Variants in NT5DC2 observed in about 807,000 individuals in gnomAD.
The protein encoded by NT5DC2 is 5'-nucleotidase domain containing 2, also known as 5'-nucleotidase domain-containing protein 2.
Under a neutral mutation model 70.0 loss-of-function variants are expected in NT5DC2, and 41 were observed. The ratio of observed to expected loss-of-function variants is 0.59; its 90% CI spans 0.46 to 0.76. The LOEUF (loss-of-function observed/expected upper bound fraction) is 0.76, where lower values mean the gene tolerates loss of function less well. Among genes scored for constraint, NT5DC2 ranks in the 30% least tolerant of loss-of-function variants. NT5DC2 has a pLI of 0.00. For missense variants in NT5DC2, 705 were observed against 783.2 expected (o/e 0.90, Z 1.19); for synonymous variants, 299 against 310.4 (o/e 0.96, Z 0.39).
chr3:52,528,093 A>C lies in NT5DC2; in HGVS notation c.772-20T>G. 1 of 1,612,876 alleles carries C rather than the reference A, an allele frequency of 6.2e-7. No individual in the cohort carries two copies. The highest frequency in any genetic ancestry group is 8.5e-7 in the Non-Finnish European group (1 of 1,179,940). On this transcript the variant is annotated intron_variant, in intron 6 of 13. Transcript: ENST00000422318. ...GGCGTCCTGGGGGCAGTGGAGGACA[A>C]TGAGGGTACAGCAGGGCCCAGGTGG... is the stretch of plus-strand genomic sequence containing the variant.
At chr3:52,532,699 G>A (rs1312142017) in intron 1 of NT5DC2, among the ~76,000 whole-genome samples, 1 of 152,068 alleles carries the variant, frequency 6.6e-6, no homozygotes, top group Non-Finnish European at 1.5e-5. Context: ...TTGAGAGAGG[G>A]TGAGACTTGC....
chr3:52,525,051 T>C lies in NT5DC2; in HGVS notation c.1259A>G (p.Glu420Gly). The change falls in exon 12 of 14, where the codon GAG becomes GGG. Residue 420 changes from glutamate to glycine, a missense_variant. Transcript: ENST00000422318. The stretch of plus-strand genomic sequence containing the variant: ...CGTGTTGATGATGCGGATCTCACGC[T>C]CCAGCTCGGGGATGATGGCGCCTGT... ...WRTGAIIPEL[E>G]REIRIINTEQ... is the part of the protein sequence containing the mutation. 6.3e-7 allele frequency: 1 copy of C among 1,591,836 alleles called. No homozygotes were observed. Among genetic ancestry groups the C allele is most frequent in the Non-Finnish European group, 8.5e-7 (1 of 1,169,942 alleles).
In NT5DC2 at chr3:52,527,835, C is replaced by T. The variant is rs1221669454; in HGVS notation, c.929G>A (p.Ser310Asn). ...CCACAGGGGCTGGACTCACACGAAG[C>T]TGAAAGGACTGTTGGTGATGAGGAA... ...QLFLITNSPF[S>N]FVDKGMRHMV... The change falls in exon 8 of 14, where the codon AGC becomes AAC. Residue 310 changes from serine to asparagine, a missense_variant. Ser to Asn is a conservative substitution (Grantham distance 46). Transcript: ENST00000422318. 5.0e-6 allele frequency: 8 copies of T among 1,613,230 alleles called. No homozygotes were observed. The Admixed American group carries it at 5.0e-5, about 10-fold the overall frequency.
chr3:52,524,987 G>A lies in NT5DC2; in HGVS notation c.1323C>T (p.Leu441=), dbSNP rs371689836. Residue 441 remains leucine (L), a synonymous_variant, in exon 12 of 14, where the codon CTC becomes CTT. Transcript: ENST00000422318. ...CCTGCATGCGCTCCAGCAGCCCCGT[G>A]AGCGCCTGCTGCCACGTCAGCGAGT... The part of the protein sequence containing the change: ...YMHSLTWQQA[L]TGLLERMQTY... The A allele has an allele frequency of 4.5e-5, 73 of 1,611,126 alleles. No individual in the cohort carries two copies. The Middle Eastern group carries it at 6.6e-4, about 15-fold the overall frequency.
chr3:52,533,754 C>A lies in NT5DC2; in HGVS notation c.-17G>T. ...ACCCGCCATGCCCACCGCGCGCCGCCCGCCGCCCGCGCTGCCCTCGGCCAG... is the reference window on the plus strand; with the variant it reads ...ACCCGCCATGCCCACCGCGCGCCGCACGCCGCCCGCGCTGCCCTCGGCCAG... On this transcript the variant is annotated 5_prime_UTR_variant, in exon 1 of 14. Transcript: ENST00000422318. 1.1e-5 allele frequency: 11 copies of A among 957,752 alleles called. No homozygotes were observed. The highest frequency in any genetic ancestry group is 1.4e-5 in the Non-Finnish European group (11 of 811,014). The allele number at this position is 957,752 out of a possible 1,614,324, so 59.3% of individuals were successfully genotyped here.
At chr3:52,527,262 A>G (rs753080700) in intron 10 of NT5DC2, 32 bp downstream of exon 10, 1 of 1,606,214 alleles carries the variant, frequency 6.2e-7, no homozygotes, top group Non-Finnish European at 8.5e-7. Context: ...CCATGCCCCC[A>G]CCACATGCTG....
Position 52,528,924 on chromosome 3 carries a change from C to A in NT5DC2, c.429G>T (p.Gly143=), listed in dbSNP as rs982687090. The A allele has an allele frequency of 6.2e-7, 1 of 1,613,932 alleles. No individual in the cohort carries two copies. Among genetic ancestry groups the A allele is most frequent in the Admixed American group, 1.7e-5 (1 of 60,010 alleles). ...TGGGGTTGTAGTCATACTTCCGAAT[C>A]CCTTCTGGGTACTGCCGGGGGAAAG... is the stretch of plus-strand genomic sequence containing the variant. ...ILIEHYKYPE[G]IRKYDYNPSF... Residue 143 remains glycine (G), a synonymous_variant, in exon 3 of 14, where the codon GGG becomes GGT. Transcript: ENST00000422318.
intron 1 of NT5DC2, among the ~76,000 whole-genome samples, chr3:52,530,734 T>C (rs989009163): frequency 1.3e-5 from 2 of 152,206 alleles, no homozygotes; most frequent in African/African-American, 4.8e-5. Context: ...ACCTACAGAA[T>C]TACTAAGACT....
In NT5DC2 at chr3:52,531,016, C is replaced by G. The variant is rs918000813; in HGVS notation, c.233-1682G>C. 1.3e-5 allele frequency among the ~76,000 whole-genome samples: 2 copies of G among 152,234 alleles called. No homozygotes were observed. The highest frequency in any genetic ancestry group is 2.4e-5 in the African/African-American group (1 of 41,468). On this transcript the variant is annotated intron_variant, in intron 1 of 13. Transcript: ENST00000422318. This position sits in a 1 kb window ranked among gnomAD's most constrained non-coding sequence, Gnocchi z 4.1. Reference sequence around the variant, plus strand: ...CCCAGTGCCGATGACAAAGCAGGAGCTGCCAGGCCAGAGGGCCAGGGAAGC... The same window carrying G: ...CCCAGTGCCGATGACAAAGCAGGAGGTGCCAGGCCAGAGGGCCAGGGAAGC...
rs764728211 is a variant in NT5DC2 at position 52,527,275 on chromosome 3, C to G, written c.1119+19G>C. The G allele has an allele frequency of 2.5e-6, 4 of 1,612,828 alleles. No homozygotes were observed. The South Asian group carries it at 4.4e-5, about 18-fold the overall frequency. ...CCCCATGCCCCCACCACATGCTGCTCTCCCCAGATGGCCCTTACCTGCCGA... is the reference window on the plus strand; with the variant it reads ...CCCCATGCCCCCACCACATGCTGCTGTCCCCAGATGGCCCTTACCTGCCGA... On this transcript the variant is annotated intron_variant, in intron 10 of 13. Transcript: ENST00000422318.
chr3:52,533,152 G>A (rs2079383095), intron 1 of NT5DC2, among the ~76,000 whole-genome samples: 1 of 152,140 alleles, frequency 6.6e-6, no homozygotes, highest in South Asian at 2.1e-4. Flanking sequence ...CCCCAACTAA[G>A]GGTTGGCCGA....
At chr3:52,527,429 G>A in intron 9 of NT5DC2, 54 bp from the exon 10 acceptor site, 1 of 1,585,996 alleles carries the variant, frequency 6.3e-7, no homozygotes. Context: ...CCACGGGCCG[G>A]GCAACCCCCA....
upstream of NT5DC2, chr3:52,534,663 T>A: frequency 6.2e-7 from 1 of 1,607,658 alleles, no homozygotes; most frequent in Non-Finnish European, 8.5e-7. Context: ...TTTCTTCTGC[T>A]CAGATCCGTA....
Position 52,524,874 on chromosome 3 carries a change from T to TGATA in NT5DC2, c.1351_1354dup (p.Gln452LeufsTer54), listed in dbSNP as rs1399998010. Reference sequence around the variant, plus strand: ...CAGCACCTGCCTCGACTCCGCGTCCTGATAGGTCTGGGGACACAAAGTGTG... The same window carrying TGATA: ...CAGCACCTGCCTCGACTCCGCGTCCTGATAGATAGGTCTGGGGACACAAAGTGTG... On this transcript the variant is annotated frameshift_variant, in exon 13 of 14. Coordinates refer to ENST00000422318, the MANE Select transcript of NT5DC2 (RefSeq NM_001134231.2). LOFTEE classifies it high-confidence loss of function. 2 of 1,612,214 alleles carry TGATA rather than the reference T, an allele frequency of 1.2e-6. No individual in the cohort carries two copies. The highest frequency in any genetic ancestry group is 2.7e-5 in the African/African-American group (2 of 74,898).
In NT5DC2 at chr3:52,527,428, G is replaced by A. The variant is rs558933357; in HGVS notation, c.1038-53C>T. 3.0e-5 allele frequency: 47 copies of A among 1,585,446 alleles called. No homozygotes were observed. The Admixed American group carries it at 4.4e-4, about 15-fold the overall frequency. ...CCAGTCTGTGGCTGGGCCACGGGCC[G>A]GGCAACCCCCATCCCTCCTCCGTAA... On this transcript the variant is annotated intron_variant, in intron 9 of 13. Coordinates refer to ENST00000422318, the MANE Select transcript of NT5DC2 (RefSeq NM_001134231.2).
upstream of NT5DC2, chr3:52,534,705 C>T (rs758251703): frequency 6.0e-5 from 94 of 1,566,076 alleles, no homozygotes; most frequent in Non-Finnish European, 7.7e-5. Context: ...AGGCTGTGCT[C>T]AGGGTCCGGA....
At position 52,525,101 on chromosome 3, in the gene NT5DC2, A is replaced by C. The variant is rs749738939; in HGVS notation, c.1209T>G (p.Asp403Glu). 3.1e-6 allele frequency: 4 copies of C among 1,289,274 alleles called. No homozygotes were observed. Among genetic ancestry groups the C allele is most frequent in the African/African-American group, 1.7e-5 (1 of 59,994 alleles). The allele number at this position is 1,289,274 out of a possible 1,614,324, so 79.9% of individuals were successfully genotyped here. A position where few individuals can be genotyped will look rare whatever the true frequency, so the allele number is the denominator to read the frequency against. ...FGDHLYSDLADLMLRHGWRTG... is the reference protein window; with the variant it reads ...FGDHLYSDLAELMLRHGWRTG... ...TGCGCCAGCCGTGCCGCAGCATGAGATCCTGGTGGGTGGGGCGGCAGAACT... is the reference window on the plus strand; with the variant it reads ...TGCGCCAGCCGTGCCGCAGCATGAGCTCCTGGTGGGTGGGGCGGCAGAACT... Residue 403 changes from aspartate (D) to glutamate (E), a missense_variant and splice_region_variant, in exon 12 of 14, where the codon GAT becomes GAG. Transcript: ENST00000422318.
Position 52,528,497 on chromosome 3 carries a change from A to G in NT5DC2, c.591T>C (p.Tyr197=), listed in dbSNP as rs932878886. 2.5e-6 allele frequency: 4 copies of G among 1,613,434 alleles called. No homozygotes were observed. The African/African-American group carries it at 5.3e-5, about 22-fold the overall frequency. ...ATAGTGGGATGTGCTGGGTACCCCC[A>G]TACAGCTCAATCACCTCCTCGTCTG... ...PVPDEEVIEL[Y]GGTQHIPLYQ... The change falls in exon 5 of 14, where the codon TAT becomes TAC. Residue 197 remains tyrosine (Y), a synonymous_variant. Transcript: ENST00000422318.
chr3:52,533,566 C>G lies in NT5DC2; in HGVS notation c.172G>C (p.Gly58Arg), dbSNP rs2079389051. ...CATAGGTGCGCGCTGAGGTCGGCGCCGCTGGTGGGTGCCTGGGCGGGCGCG... is the reference window on the plus strand; with the variant it reads ...CATAGGTGCGCGCTGAGGTCGGCGCGGCTGGTGGGTGCCTGGGCGGGCGCG... ...RSAPAQAPTS[G>R]ADLSAHLWAR... is the part of the protein sequence containing the mutation. The change falls in exon 1 of 14, where the codon GGC becomes CGC. Residue 58 changes from glycine (G) to arginine (R), a missense_variant. Gly to Arg is a moderately radical substitution (Grantham distance 125). Coordinates refer to ENST00000422318, the MANE Select transcript of NT5DC2 (RefSeq NM_001134231.2). 7.5e-7 allele frequency: 1 copy of G among 1,341,628 alleles called. No individual in the cohort carries two copies. The highest frequency in any genetic ancestry group is 3.1e-5 in the East Asian group (1 of 32,042). 83.1% of individuals were successfully genotyped at this position (1,341,628 alleles called of 1,614,324 possible).
Sources: allele counts gnomAD v4.1 joint callset (sites outside exome capture counted in the v4.1 genomes callset), GRCh38; gene constraint gnomAD v4.1.1; non-coding constraint Gnocchi (gnomAD v3.1); transcripts MANE v1.5; gene names NCBI Gene and HGNC (gene_info 2026-07-23, HGNC 2026-07-21).